The following VHL variants were observed in gnomAD, a reference collection of about 807,000 sequenced individuals.
VHL encodes the protein von Hippel-Lindau tumor suppressor.
Under a neutral mutation model 19.2 loss-of-function variants are expected in VHL, and 10 were observed. The observed-to-expected ratio is 0.52, with a 90% CI of 0.32 to 0.89. VHL has a LOEUF of 0.89. VHL is among the 40% of genes least tolerant of loss of function. VHL has a pLI of 0.03. For missense variants in VHL, 328 were observed against 292.7 expected (o/e 1.12, Z -0.88); for synonymous variants, 167 against 129.5 (o/e 1.29, Z -1.97).
rs1559430336 is a variant in VHL, at chr3:10,150,507, T to C, written c.*542T>C. 2.4e-6 allele frequency: 1 copy of C among 408,310 alleles called. No homozygotes were observed. The highest frequency in any genetic ancestry group is 4.7e-5 in the Admixed American group (1 of 21,288). The allele number at this position is 408,310 out of a possible 1,614,324, so 25.3% of individuals were successfully genotyped here. On this transcript the variant is annotated 3_prime_UTR_variant, in exon 3 of 3. Transcript: ENST00000256474. The stretch of plus-strand genomic sequence containing the variant: ...TCAGAGGAACAAACCAGGGGACACT[T>C]TGTTAGAAAGTGCTTAGAGGTTCTG...
chr3:10,146,791 G>A (rs1377216310), intron 2 of VHL, among the ~76,000 whole-genome samples, 155 bp downstream of exon 2: 1 of 151,080 alleles, frequency 6.6e-6, no homozygotes, highest in East Asian at 1.9e-4. Context: ...TAAAATGGAA[G>A]TGATGTATTT....
At position 10,146,634 on chromosome 3, in the gene VHL, C is replaced by G. The variant is rs1399097617; in HGVS notation, c.461C>G (p.Pro154Arg). ...GQPIFANITL[P>R]VYTLKERCLQ... is the part of the protein sequence containing the mutation. ...CCTATTTTTGCCAATATCACACTGC[C>G]AGGTACTGACGTTTTACTTTTTAAA... The change falls in exon 2 of 3, where the codon CCA (proline) becomes CGA (arginine). Residue 154 changes from proline (P) to arginine (R), a missense_variant and splice_region_variant. Physicochemically the swap from Pro to Arg is moderately radical, Grantham distance 103. Transcript: ENST00000256474. The G allele has an allele frequency of 2.5e-6, 4 of 1,613,650 alleles. No individual in the cohort carries two copies. In the South Asian group the frequency reaches 4.4e-5, roughly 18 times the overall value.
Position 10,153,002 on chromosome 3 carries a change from C to T in VHL, c.*3037C>T, listed in dbSNP as rs946669760. Among the ~76,000 whole-genome samples the T allele has an allele frequency of 6.6e-6, 1 of 151,880 alleles. No individual in the cohort carries two copies. Among genetic ancestry groups the T allele is most frequent in the African/African-American group, 2.4e-5 (1 of 41,394 alleles). On this transcript the variant is annotated 3_prime_UTR_variant, in exon 3 of 3. Coordinates refer to ENST00000256474, the MANE Select transcript of VHL (RefSeq NM_000551.4). ...CACTTAAAATACAAAAATTGCCGGC[C>T]GCGGCGGCTCATGCCTGTAATCCCA...
At chr3:10,143,574 A>G (rs1251358061) in intron 1 of VHL, among the ~76,000 whole-genome samples, 1 of 152,096 alleles carries the variant, frequency 6.6e-6, no homozygotes, top group Non-Finnish European at 1.5e-5. Flanking sequence ...CAGCCTCCCA[A>G]GTAACTGGGA....
chr3:10,142,318 C>A, intron 1 of VHL, 131 bp downstream of exon 1: 1 of 859,404 alleles, frequency 1.2e-6, no homozygotes, highest in Non-Finnish European at 1.8e-6. Context: ...CAGGGTGACG[C>A]TGCTCGTAAG....
In VHL at chr3:10,145,964, C is replaced by T. The variant is rs573654700; in HGVS notation, c.341-550C>T. ...GGCATGGGATTGAGAGCTTTAAGTA[C>T]GCGCTCTTTGCTTACTGTCTTATAC... On this transcript the variant is annotated intron_variant, in intron 1 of 2. Transcript: ENST00000256474. 5.9e-4 allele frequency among the ~76,000 whole-genome samples: 89 copies of T among 150,786 alleles called. 1 individual carries two copies. Among genetic ancestry groups the T allele is most frequent in the Admixed American group, 3.8e-3 (57 of 14,904 alleles).
rs757106274 is a variant in VHL, at chr3:10,152,060, CAAAAA to C, written c.*2113_*2117del. The C allele has an allele frequency of 2.3e-3, 201 of 89,130 alleles. No individual in the cohort carries two copies. The highest frequency in any genetic ancestry group is 5.5e-3 in the African/African-American group (142 of 25,748). The allele number at this position is 89,130 out of a possible 1,614,324, so 5.5% of individuals were successfully genotyped here. On this transcript the variant is annotated 3_prime_UTR_variant, in exon 3 of 3. Transcript: ENST00000256474. ...TGGGGGACAGAGCAAGACCCTGCCT[CAAAAA>C]AAAAAAAAAAAAAAAAATCAGGCCG...
rs1575932637 is a variant in VHL, at chr3:10,149,929, A to G, written c.606A>G (p.Thr202=). 1.9e-6 allele frequency: 3 copies of G among 1,614,056 alleles called. No individual in the cohort carries two copies. Among genetic ancestry groups the G allele is most frequent in the African/African-American group, 1.3e-5 (1 of 74,936 alleles). ...PNVQKDLERL[T]QERIAHQRMG... Reference sequence around the variant, plus strand: ...TGCAGAAAGACCTGGAGCGGCTGACACAGGAGCGCATTGCACATCAACGGA... The same window carrying G: ...TGCAGAAAGACCTGGAGCGGCTGACGCAGGAGCGCATTGCACATCAACGGA... Residue 202 remains threonine (T), a synonymous_variant, in exon 3 of 3, where the codon ACA becomes ACG. Coordinates refer to ENST00000256474, the MANE Select transcript of VHL (RefSeq NM_000551.4).
At chr3:10,144,305 T>TAA (rs34726585) in intron 1 of VHL, among the ~76,000 whole-genome samples, 4,099 of 145,880 alleles carry the variant, frequency 0.028, 187 homozygotes, top group African/African-American at 0.095. Flanking sequence ...TGTCTGTATT[T>TAA]AAAAAAAAAA....
chr3:10,146,268 G>T lies in VHL; in HGVS notation c.341-246G>T, dbSNP rs149056499. Among the ~76,000 whole-genome samples, 967 of 150,480 alleles carry T rather than the reference G, an allele frequency of 6.4e-3. 8 individuals carry two copies. Among genetic ancestry groups the T allele is most frequent in the Non-Finnish European group, 0.011 (773 of 67,898 alleles). On this transcript the variant is annotated intron_variant, in intron 1 of 2. Transcript: ENST00000256474. ...GGCTCACGGCAAGCTCCACCTCCTG[G>T]GTTCACACCATTCTCCTGCCTCAGC...
intron 1 of VHL, among the ~76,000 whole-genome samples, chr3:10,146,071 A>G (rs769903189): frequency 2.0e-5 from 3 of 152,076 alleles, no homozygotes; most frequent in Non-Finnish European, 2.9e-5. Context: ...TAATGTTACT[A>G]GAAGGGCTTT....
chr3:10,148,632 A>G (rs530701359), intron 2 of VHL, among the ~76,000 whole-genome samples: 4 of 146,046 alleles, frequency 2.7e-5, no homozygotes, highest in Non-Finnish European at 6.0e-5. Flanking sequence ...CTAAGTACAC[A>G]TTGTTTTGGT....
chr3:10,143,733 G>T (rs1696185787), intron 1 of VHL, among the ~76,000 whole-genome samples: 1 of 152,176 alleles, frequency 6.6e-6, no homozygotes, highest in South Asian at 2.1e-4. Flanking sequence ...AGGCGTGCTG[G>T]GATTTCGGCC....
Position 10,150,178 on chromosome 3 carries a change from A to C in VHL, c.*213A>C. The stretch of plus-strand genomic sequence containing the variant: ...ACAAAATGTAATTTAATGCCTGCCC[A>C]TTAGAGAAGTATTTATCAGGAGAAG... On this transcript the variant is annotated 3_prime_UTR_variant, in exon 3 of 3. Transcript: ENST00000256474. 1 of 1,420,176 alleles carries C rather than the reference A, an allele frequency of 7.0e-7. No individual in the cohort carries two copies. Among genetic ancestry groups the C allele is most frequent in the Non-Finnish European group, 9.2e-7 (1 of 1,086,768 alleles). 88.0% of individuals were successfully genotyped at this position (1,420,176 alleles called of 1,614,324 possible).
At chr3:10,143,690 GCCT>G (rs1368064388) in intron 1 of VHL, among the ~76,000 whole-genome samples, 1 of 151,894 alleles carries the variant, frequency 6.6e-6, no homozygotes, top group Admixed American at 6.6e-5. Context: ...CTCGTGATCT[GCCT>G]GCTTCGGCCT....
chr3:10,145,719 A>AAT (rs1553619806), intron 1 of VHL, among the ~76,000 whole-genome samples: 1 of 151,180 alleles, frequency 6.6e-6, no homozygotes, highest in Non-Finnish European at 1.5e-5. Flanking sequence ...AAAAAAAAAA[A>AAT]GAAAAAGAAA....
intron 1 of VHL, 151 bp downstream of exon 1, chr3:10,142,338 A>ATTATT: frequency 2.6e-5 from 11 of 418,218 alleles, no homozygotes; most frequent in Non-Finnish European, 3.8e-5. Context: ...GCGTCAGAGC[A>ATTATT]TTCTTTTTTT....
chr3:10,146,329 A>T (rs955071669), intron 1 of VHL, among the ~76,000 whole-genome samples, 185 bp from the exon 2 acceptor site: 1 of 147,976 alleles, frequency 6.8e-6, no homozygotes, highest in Admixed American at 6.7e-5. Flanking sequence ...GCTCGCCACC[A>T]CACCTGGCTA....
chr3:10,148,699 GAC>G lies in VHL; in HGVS notation c.464-1086_464-1085del, dbSNP rs551269536. The stretch of plus-strand genomic sequence containing the variant: ...ATAACCACCTTTTTTTTTTTTTTGA[GAC>G]AGAGTCTCACTGTGTCACCCAGGCT... On this transcript the variant is annotated intron_variant, in intron 2 of 2. Transcript: ENST00000256474. Among the ~76,000 whole-genome samples, 7 of 129,134 alleles carry G rather than the reference GAC, an allele frequency of 5.4e-5. 1 individual carries two copies. Among genetic ancestry groups the G allele is most frequent in the African/African-American group, 1.7e-4 (6 of 34,314 alleles). 84.7% of individuals were successfully genotyped at this position (129,134 alleles called of 152,430 possible).
Sources: gnomAD v4.1 joint callset for allele counts (sites outside exome capture counted in the v4.1 genomes callset) on GRCh38, gnomAD v4.1.1 for gene constraint, MANE v1.5 for transcripts, NCBI Gene and HGNC (gene_info 2026-07-23, HGNC 2026-07-21) for gene names.